The following ZBBX variants were observed in gnomAD, a reference collection of about 807,000 sequenced individuals.
ZBBX encodes the protein zinc finger B-box domain containing, also known as zinc finger B-box domain-containing protein 1.
ZBBX carries 101 observed loss-of-function variants against 108.5 expected under a neutral mutation model. That is an observed-to-expected ratio of 0.93 (90% CI 0.79 to 1.10). The LOEUF (loss-of-function observed/expected upper bound fraction) is 1.10, where lower values mean the gene tolerates loss of function less well. Among genes scored for constraint, ZBBX ranks in the 50% least tolerant of loss-of-function variants. The pLI, the probability that ZBBX is intolerant of heterozygous loss-of-function variation, is 0.00. For missense variants in ZBBX, 1,009 were observed against 941.4 expected (o/e 1.07, Z -0.94); for synonymous variants, 356 against 323.4 (o/e 1.10, Z -1.08).
intron 8 of ZBBX, among the ~76,000 whole-genome samples, chr3:167,351,699 C>T (rs1471455326): frequency 6.6e-6 from 1 of 152,142 alleles, no homozygotes; most frequent in African/African-American, 2.4e-5. Flanking sequence ...AAGTGCTGAG[C>T]AGCTGCACTA....
intron 15 of ZBBX, among the ~76,000 whole-genome samples, chr3:167,315,335 T>C (rs2108284374): frequency 6.6e-6 from 1 of 152,266 alleles, no homozygotes; most frequent in South Asian, 2.1e-4. Flanking sequence ...GTACAGGAGC[T>C]CTTTTAGTCT....
chr3:167,321,536 A>G lies in ZBBX; in HGVS notation c.983+581T>C, dbSNP rs1736447378. Among the ~76,000 whole-genome samples the G allele has an allele frequency of 2.0e-5, 3 of 151,968 alleles. No individual in the cohort carries two copies. The South Asian group carries it at 6.2e-4, about 32-fold the overall frequency. On this transcript the variant is annotated intron_variant, in intron 12 of 21. Coordinates refer to ENST00000675490, the MANE Select transcript of ZBBX (RefSeq NM_001199201.2). ...CTCCTCCAACAACTTGCACCTCAAAAAAAGACCAGAGACCAGCCTCATCCA... is the reference window on the plus strand; with the variant it reads ...CTCCTCCAACAACTTGCACCTCAAAGAAAGACCAGAGACCAGCCTCATCCA...
intron 1 of ZBBX, chr3:167,399,561 A>G (rs1216519509): frequency 6.6e-6 from 1 of 152,144 alleles, no homozygotes; most frequent in Non-Finnish European, 1.5e-5. Context: ...GCTGGAGTAT[A>G]AGCCAGAGTT....
At chr3:167,228,585 T>G in the ZBBX span, among the ~76,000 whole-genome samples, 2 of 151,846 alleles carry the variant, frequency 1.3e-5, no homozygotes, top group Non-Finnish European at 2.9e-5. Context: ...TGCGTTTGCA[T>G]TCCCTGATGC....
At chr3:167,339,714 C>G (rs1740200793) in intron 9 of ZBBX, among the ~76,000 whole-genome samples, 1 of 152,080 alleles carries the variant, frequency 6.6e-6, no homozygotes, top group Admixed American at 6.6e-5. Context: ...AGGTTTGTTA[C>G]ATAGGTGTAC....
At chr3:167,299,041 T>C (rs1049166304) in intron 17 of ZBBX, among the ~76,000 whole-genome samples, 2 of 152,068 alleles carry the variant, frequency 1.3e-5, no homozygotes, top group Non-Finnish European at 2.9e-5. Flanking sequence ...ATTTGAAACC[T>C]AGACTTATCC....
In ZBBX at chr3:167,288,964, T is replaced by G. The variant is rs1387750780; in HGVS notation, c.1899A>C (p.Pro633=). 6.5e-7 allele frequency: 1 copy of G among 1,536,768 alleles called. No individual in the cohort carries two copies. The highest frequency in any genetic ancestry group is 1.2e-5 in the South Asian group (1 of 81,330). ...CAGCATATTCACTTAAGCTATGGTC[T>G]GGAATCCATTCTCTGTCTTCTGAAA... ...ITLAEDREWI[P]DHSLSEYADN... Residue 633 remains proline, a synonymous_variant, in exon 19 of 22, where the codon CCA becomes CCC. Transcript: ENST00000675490.
At chr3:167,377,421 G>T (rs936059403) in intron 2 of ZBBX, among the ~76,000 whole-genome samples, 1 of 152,104 alleles carries the variant, frequency 6.6e-6, no homozygotes. Context: ...TAATGACTCA[G>T]ATCATGCTAG....
chr3:167,304,093 G>T (rs1733177428), intron 17 of ZBBX, among the ~76,000 whole-genome samples: 2 of 152,056 alleles, frequency 1.3e-5, no homozygotes, highest in Non-Finnish European at 2.9e-5. Context: ...AGTCCATACT[G>T]TCTTATTCTT....
Position 167,402,355 on chromosome 3 carries a change from G to T in ZBBX, c.-446+5371C>A, listed in dbSNP as rs149889189. Among the ~76,000 whole-genome samples, 5 of 152,212 alleles carry T rather than the reference G, an allele frequency of 3.3e-5. No individual in the cohort carries two copies. The East Asian group carries it at 9.7e-4, about 29-fold the overall frequency. ...CTTCCTTGGAAAACTGAATGTTGGC[G>T]ATTGGGTTAACAAGAGGGAAGCTTC... On this transcript the variant is annotated intron_variant, in intron 1 of 21. Transcript: ENST00000455345.
At chr3:167,309,064 C>T (rs1342125728) in intron 16 of ZBBX, among the ~76,000 whole-genome samples, 1 of 152,116 alleles carries the variant, frequency 6.6e-6, no homozygotes, top group African/African-American at 2.4e-5. Context: ...AGTTGCCACC[C>T]CTTTTCCAGA....
intron 16 of ZBBX, among the ~76,000 whole-genome samples, chr3:167,312,698 G>T (rs1041627416): frequency 4.6e-5 from 7 of 152,142 alleles, no homozygotes; most frequent in Admixed American, 3.3e-4. Context: ...TCAGGAACTA[G>T]CTTGATCAAA....
intron 1 of ZBBX, chr3:167,392,678 A>G (rs974306003): frequency 6.6e-6 from 1 of 151,848 alleles, no homozygotes; most frequent in Non-Finnish European, 1.5e-5. Context: ...TCTGTAGATG[A>G]GATGCCAGGT....
the ZBBX span, among the ~76,000 whole-genome samples, chr3:167,210,714 T>C: frequency 1.3e-5 from 2 of 152,126 alleles, no homozygotes; most frequent in Non-Finnish European, 2.9e-5. Flanking sequence ...GACTTTTCAG[T>C]GTAAACCTTA....
chr3:167,338,688 C>A (rs964607631), intron 9 of ZBBX, among the ~76,000 whole-genome samples: 19 of 152,014 alleles, frequency 1.2e-4, no homozygotes, highest in Non-Finnish European at 4.4e-5. Context: ...GTAACCACAG[C>A]CTTGAATTAA....
intron 8 of ZBBX, among the ~76,000 whole-genome samples, chr3:167,351,169 G>C (rs190049313): frequency 1.4e-4 from 21 of 151,828 alleles, no homozygotes; most frequent in Non-Finnish European, 2.2e-4. Context: ...AAATGATTAT[G>C]GGCAAGTTTA....
At chr3:167,328,936 T>C (rs888376341) in intron 10 of ZBBX, among the ~76,000 whole-genome samples, 1 of 152,220 alleles carries the variant, frequency 6.6e-6, no homozygotes, top group Non-Finnish European at 1.5e-5. Context: ...TTATTCTATA[T>C]GTTTATTTAT....
the ZBBX span, among the ~76,000 whole-genome samples, chr3:167,187,058 T>G: frequency 3.3e-5 from 5 of 152,144 alleles, no homozygotes; most frequent in African/African-American, 1.2e-4. Flanking sequence ...GACCATTTAT[T>G]TTGCAGAGTA....
chr3:167,238,927 C>T (rs753328849), downstream of ZBBX, among the ~76,000 whole-genome samples: 18 of 152,046 alleles, frequency 1.2e-4, no homozygotes, highest in Non-Finnish European at 2.1e-4. Context: ...TTGGGTTCTC[C>T]AGAGAAATAG....
Sources: allele counts gnomAD v4.1 joint callset (sites outside exome capture counted in the v4.1 genomes callset), GRCh38; gene constraint gnomAD v4.1.1; transcripts MANE v1.5; gene names NCBI Gene and HGNC (gene_info 2026-07-23, HGNC 2026-07-21).